The following ITGA1 variants were observed in gnomAD, a reference collection of about 807,000 sequenced individuals.
ITGA1 encodes integrin subunit alpha 1.
A neutral mutation model predicts 145.9 loss-of-function variants in ITGA1; 85 were observed. The ratio of observed to expected loss-of-function variants is 0.58; its 90% CI spans 0.49 to 0.70. The LOEUF is 0.70. ITGA1 is among the 30% of genes least tolerant of loss of function. ITGA1 has a pLI of 0.00. For missense variants in ITGA1, 1,351 were observed against 1,418.7 expected, an observed-to-expected ratio of 0.95 and a Z score of 0.77; for synonymous variants, 520 against 495.3, an observed-to-expected ratio of 1.05 and a Z score of -0.66.
chr5:52,790,571 C>T (rs1183590652), intron 1 of ITGA1, among the ~76,000 whole-genome samples: 1 of 152,226 alleles, frequency 6.6e-6, no homozygotes, highest in African/African-American at 2.4e-5. Flanking sequence ...TGGCCCCTTT[C>T]TCCATCTTCA....
Position 52,915,451 on chromosome 5 carries a change from TG to T in ITGA1, c.1858-11del. On this transcript the variant is annotated splice_polypyrimidine_tract_variant and intron_variant, in intron 14 of 28. Coordinates refer to ENST00000282588, the MANE Select transcript of ITGA1 (RefSeq NM_181501.2). ...TCTTCTCATATGAAACTCTTTTTTT[TG>T]GATTCTCACAGCGTATTCCATCAGG... 1 of 1,611,640 alleles carries T rather than the reference TG, an allele frequency of 6.2e-7. No individual in the cohort carries two copies. Among genetic ancestry groups the T allele is most frequent in the Non-Finnish European group, 8.5e-7 (1 of 1,179,258 alleles).
At chr5:52,849,254 T>C in intron 1 of ITGA1, 111 bp from the exon 2 acceptor site, 1 of 915,452 alleles carries the variant, frequency 1.1e-6, no homozygotes, top group Non-Finnish European at 1.6e-6. Context: ...AGCTTCTTTT[T>C]TTTTAATAGA....
intron 6 of ITGA1, among the ~76,000 whole-genome samples, chr5:52,875,933 C>A (rs1339417821): frequency 6.6e-6 from 1 of 151,902 alleles, no homozygotes; most frequent in Non-Finnish European, 1.5e-5. Context: ...ACTTAAACTC[C>A]TTTAATTATC....
intron 3 of ITGA1, 150 bp from the exon 4 acceptor site, chr5:52,864,613 C>G: frequency 6.6e-6 from 4 of 607,456 alleles, no homozygotes; most frequent in Non-Finnish European, 5.8e-6. Flanking sequence ...TCATTATATT[C>G]CTTAAGAAGA....
intron 2 of ITGA1, among the ~76,000 whole-genome samples, chr5:52,860,549 A>G (rs185703118): frequency 6.6e-6 from 1 of 152,204 alleles, no homozygotes; most frequent in African/African-American, 2.4e-5. Context: ...CGTCTCAAAA[A>G]ATAAAAATAA....
chr5:52,915,457 CT>C lies in ITGA1; in HGVS notation c.1858-6del, dbSNP rs763049299. The C allele has an allele frequency of 1.5e-5, 24 of 1,608,002 alleles. No homozygotes were observed. The highest frequency in any genetic ancestry group is 2.0e-5 in the Non-Finnish European group (23 of 1,178,144). ...CATATGAAACTCTTTTTTTTGGATT[CT>C]CACAGCGTATTCCATCAGGTGGGGA... On this transcript the variant is annotated splice_polypyrimidine_tract_variant and splice_region_variant and intron_variant, in intron 14 of 28. Coordinates refer to ENST00000282588, the MANE Select transcript of ITGA1 (RefSeq NM_181501.2).
chr5:52,894,438 C>T (rs747187166), intron 9 of ITGA1, among the ~76,000 whole-genome samples: 8 of 151,878 alleles, frequency 5.3e-5, no homozygotes, highest in South Asian at 2.1e-4. Flanking sequence ...TTGAGGATAA[C>T]GAGTTATGGC....
At chr5:52,836,445 T>A (rs938303249) in intron 1 of ITGA1, among the ~76,000 whole-genome samples, 3 of 152,186 alleles carry the variant, frequency 2.0e-5, no homozygotes, top group Non-Finnish European at 2.9e-5. Flanking sequence ...AATCATAATA[T>A]AGTGCCAATT....
Position 52,874,405 on chromosome 5 carries a change from G to A in ITGA1, c.625-7468G>A, listed in dbSNP as rs77070595. On this transcript the variant is annotated intron_variant, in intron 6 of 28. Coordinates refer to ENST00000282588, the MANE Select transcript of ITGA1 (RefSeq NM_181501.2). ...GCATCAACATGAGTTTTGGTGTCTC[G>A]GTGGGGACAAACCATATTCAAGCTG... Among the ~76,000 whole-genome samples, 1,096 of 148,390 alleles carry A rather than the reference G, an allele frequency of 7.4e-3. 17 individuals carry two copies. The highest frequency in any genetic ancestry group is 0.025 in the African/African-American group (1,019 of 40,448).
rs750513652 is a variant in ITGA1, at chr5:52,920,344, G to A, written c.2168G>A (p.Arg723His). The A allele has an allele frequency of 2.8e-5, 44 of 1,594,134 alleles. No individual in the cohort carries two copies. The highest frequency in any genetic ancestry group is 8.1e-5 in the African/African-American group (6 of 73,714). ...DTIYEADLQY[R>H]VTLDSLRQIS... ...AAAATTTTTGTAGATTTGCAGTACCGTGTCACCCTAGATTCACTAAGACAA... is the reference window on the plus strand; with the variant it reads ...AAAATTTTTGTAGATTTGCAGTACCATGTCACCCTAGATTCACTAAGACAA... Residue 723 changes from arginine to histidine, a missense_variant, in exon 17 of 29, where the codon CGT becomes CAT. Transcript: ENST00000282588.
chr5:52,908,028 T>G (rs573627995), intron 12 of ITGA1, among the ~76,000 whole-genome samples: 1 of 152,238 alleles, frequency 6.6e-6, no homozygotes, highest in East Asian at 1.9e-4. Context: ...GTAGAAATTT[T>G]TAAGAAGGAT....
chr5:52,947,594 G>A, intron 28 of ITGA1, 133 bp downstream of exon 28: 6 of 615,030 alleles, frequency 9.8e-6, no homozygotes, highest in East Asian at 6.2e-5. Flanking sequence ...TGATGACTAA[G>A]GGAAAGAAAA....
chr5:52,889,908 A>AAAAAAAG (rs1750116853), intron 8 of ITGA1: 1 of 151,466 alleles, frequency 6.6e-6, no homozygotes, highest in Non-Finnish European at 1.5e-5. Context: ...AAAAAAAAAA[A>AAAAAAAG]TCAAGCAATA....
intron 21 of ITGA1, chr5:52,931,132 A>G (rs1448161410): frequency 6.6e-6 from 1 of 152,204 alleles, no homozygotes; most frequent in East Asian, 1.9e-4. Flanking sequence ...CTGTGAGACA[A>G]TATGTTAGGT....
chr5:52,919,281 C>T (rs1203638549), intron 16 of ITGA1, among the ~76,000 whole-genome samples: 1 of 152,164 alleles, frequency 6.6e-6, no homozygotes, highest in East Asian at 1.9e-4. Flanking sequence ...TCTCTCCCTT[C>T]TCTTGCCCCC....
intron 22 of ITGA1, chr5:52,932,861 G>A (rs1246099169): frequency 6.6e-6 from 1 of 151,968 alleles, no homozygotes; most frequent in Non-Finnish European, 1.5e-5. Flanking sequence ...ATAACACTAT[G>A]GTTCAAATAC....
At chr5:52,800,404 G>C in intron 1 of ITGA1, 1 of 1,613,828 alleles carries the variant, frequency 6.2e-7, no homozygotes, top group East Asian at 2.2e-5. Flanking sequence ...CATGAAGCTC[G>C]TGAGGAAGAA....
chr5:52,911,717 C>T (rs1357373515), intron 14 of ITGA1, among the ~76,000 whole-genome samples: 1 of 135,184 alleles, frequency 7.4e-6, no homozygotes, highest in Non-Finnish European at 1.5e-5. Flanking sequence ...ACTATATATA[C>T]TATACATATA....
intron 11 of ITGA1, among the ~76,000 whole-genome samples, chr5:52,899,369 G>T (rs961706807): frequency 1.3e-5 from 2 of 152,162 alleles, no homozygotes; most frequent in African/African-American, 4.8e-5. Flanking sequence ...AAAGCTGTAG[G>T]AGCAGCAGGA....
Sources: allele counts gnomAD v4.1 joint callset (sites outside exome capture counted in the v4.1 genomes callset), GRCh38; gene constraint gnomAD v4.1.1; transcripts MANE v1.5; gene names NCBI Gene and HGNC (gene_info 2026-07-23, HGNC 2026-07-21).